Variants in DMD observed in about 807,000 individuals in gnomAD.
DMD encodes dystrophin.
A neutral mutation model predicts 330.1 loss-of-function variants in DMD; 63 were observed. The observed-to-expected ratio is 0.19, with a 90% CI of 0.16 to 0.24. The LOEUF (loss-of-function observed/expected upper bound fraction) is 0.24, where lower values mean the gene tolerates loss of function less well. DMD is among the 10% of genes least tolerant of loss of function. DMD has a pLI of 1.00. For synonymous variants in DMD, 1,223 were observed against 959.8 expected (o/e 1.27, Z -5.07); for missense variants, 3,344 against 2,684.1 (o/e 1.25, Z -5.43).
At chrX:32,178,859 G>GTGTA (rs2096915903) in intron 44 of DMD, among the ~76,000 whole-genome samples, 1 of 107,946 alleles carries the variant, frequency 9.3e-6, no homozygotes, top group Non-Finnish European at 1.9e-5. Context: ...GTGTGTGTGT[G>GTGTA]TGTGTACACA....
chrX:32,477,282 A>G, intron 21 of DMD, among the ~76,000 whole-genome samples: 2 of 108,440 alleles, frequency 1.8e-5, no homozygotes, highest in Middle Eastern at 9.3e-3. Flanking sequence ...ATCCTGCACT[A>G]CTGTTTATCT....
At position 31,283,347 on chromosome X, in the gene DMD, A is replaced by T. The variant is rs745577512; in HGVS notation, c.9225-22331T>A. On this transcript the variant is annotated intron_variant, in intron 62 of 78. Transcript: ENST00000357033. ...CTAGCAAATTTAAATCTAGGATACA[A>T]ATGTAGTCATTATCGTGTCTGAATT... Among the ~76,000 whole-genome samples, 3 of 111,774 alleles carry T rather than the reference A, an allele frequency of 2.7e-5. No individual in the cohort carries two copies. The South Asian group carries it at 1.1e-3, about 42-fold the overall frequency.
intron 54 of DMD, among the ~76,000 whole-genome samples, chrX:31,646,489 T>C (rs1290659586): frequency 3.6e-5 from 4 of 111,444 alleles, no homozygotes; most frequent in Non-Finnish European, 7.5e-5. Context: ...GACCTACAAA[T>C]TTAAATTTCT....
At chrX:32,622,920 T>G (rs1424610896) in intron 11 of DMD, among the ~76,000 whole-genome samples, 1 of 111,761 alleles carries the variant, frequency 8.9e-6, no homozygotes, top group Non-Finnish European at 1.9e-5. Flanking sequence ...ACACTTTGAA[T>G]GACAACATTC....
At chrX:33,160,074 C>T (rs2048698679) in intron 1 of DMD, among the ~76,000 whole-genome samples, 1 of 111,338 alleles carries the variant, frequency 9.0e-6, no homozygotes, top group Non-Finnish European at 1.9e-5. Context: ...AAGTACAGTA[C>T]TGAATAAAAG....
At chrX:31,576,215 T>G (rs899956899) in intron 55 of DMD, among the ~76,000 whole-genome samples, 1 of 111,654 alleles carries the variant, frequency 9.0e-6, no homozygotes, top group African/African-American at 3.3e-5. Flanking sequence ...ATTTCACCAG[T>G]TCTTACATAC....
intron 59 of DMD, among the ~76,000 whole-genome samples, chrX:31,453,790 A>AC (rs2065953964): frequency 2.0e-5 from 2 of 100,145 alleles, no homozygotes; most frequent in Non-Finnish European, 4.0e-5. Context: ...AAAAAAAAAA[A>AC]CCACAAAATA....
intron 17 of DMD, among the ~76,000 whole-genome samples, chrX:32,529,684 T>G (rs1701769171): frequency 9.0e-6 from 1 of 111,142 alleles, no homozygotes; most frequent in South Asian, 3.8e-4. Flanking sequence ...GAGATCAGCT[T>G]TGCTTATATT....
At chrX:31,900,667 C>G (rs1031887774) in intron 47 of DMD, among the ~76,000 whole-genome samples, 1 of 111,422 alleles carries the variant, frequency 9.0e-6, no homozygotes, top group Non-Finnish European at 1.9e-5. Flanking sequence ...TTTGGAAGTG[C>G]GTAACATGCA....
intron 44 of DMD, among the ~76,000 whole-genome samples, chrX:32,149,711 T>C (rs2096795397): frequency 8.9e-6 from 1 of 111,841 alleles, no homozygotes; most frequent in Non-Finnish European, 1.9e-5. Context: ...TAAGACAGTT[T>C]GGAAACTTTA....
At chrX:33,078,608 T>C (rs1394429793) in intron 1 of DMD, among the ~76,000 whole-genome samples, 1 of 111,864 alleles carries the variant, frequency 8.9e-6, no homozygotes, top group African/African-American at 3.2e-5. Context: ...AGATGTTTTT[T>C]CCCTCTATTC....
At chrX:32,857,764 C>T (rs1484432588) in intron 2 of DMD, among the ~76,000 whole-genome samples, 1 of 111,281 alleles carries the variant, frequency 9.0e-6, no homozygotes, top group African/African-American at 3.3e-5. Context: ...ATCCCAAAGC[C>T]ATCAGGATCA....
intron 7 of DMD, among the ~76,000 whole-genome samples, chrX:32,716,454 C>CT (rs1015679285): frequency 8.1e-5 from 9 of 111,643 alleles, no homozygotes; most frequent in Non-Finnish European, 1.3e-4. Context: ...CCCAGCCATA[C>CT]TTCCTGTACA....
chrX:31,522,351 C>CTATATATATATATATA, intron 55 of DMD, among the ~76,000 whole-genome samples: 1 of 64,911 alleles, frequency 1.5e-5, no homozygotes, highest in East Asian at 5.1e-4. Context: ...CTCTCTCTCT[C>CTATATATATATATATA]TCTCTCTCTC....
chrX:32,197,000 A>AAAAAAAAC (rs1557206020), intron 44 of DMD, among the ~76,000 whole-genome samples: 6 of 93,898 alleles, frequency 6.4e-5, no homozygotes, highest in Admixed American at 2.7e-4. Flanking sequence ...AAAAAAAAAA[A>AAAAAAAAC]AAAAACAAAA....
chrX:31,773,465 T>C (rs750518954), intron 51 of DMD, among the ~76,000 whole-genome samples: 150 of 111,902 alleles, frequency 1.3e-3, no homozygotes, highest in African/African-American at 4.8e-3. Flanking sequence ...TACTTTTCTC[T>C]TTTTAAGTTA....
In DMD at chrX:32,595,182, G is replaced by A. The variant is rs140676171; in HGVS notation, c.1602+575C>T. On this transcript the variant is annotated intron_variant, in intron 13 of 78. Coordinates refer to ENST00000357033, the MANE Select transcript of DMD (RefSeq NM_004006.3). ...ATTAGGGATAATCAGTACATTTACC[G>A]ATATTTAGTAGATGTCTTTGGGCCA... Among the ~76,000 whole-genome samples, 757 of 111,530 alleles carry A rather than the reference G, an allele frequency of 6.8e-3. 8 individuals carry two copies. The highest frequency in any genetic ancestry group is 0.01 in the Non-Finnish European group (551 of 53,109).
At chrX:32,937,239 C>G (rs752743734) in intron 2 of DMD, among the ~76,000 whole-genome samples, 1 of 110,523 alleles carries the variant, frequency 9.0e-6, no homozygotes, top group East Asian at 2.8e-4. Context: ...AGCAGAAGCT[C>G]TGGTCTAATG....
At chrX:32,763,417 T>C (rs1247160110) in intron 7 of DMD, among the ~76,000 whole-genome samples, 1 of 111,953 alleles carries the variant, frequency 8.9e-6, no homozygotes, top group African/African-American at 3.2e-5. Context: ...CAAAATAATG[T>C]ATCACGATAA....
Sources: allele counts gnomAD v4.1 joint callset (sites outside exome capture counted in the v4.1 genomes callset), GRCh38; gene constraint gnomAD v4.1.1; transcripts MANE v1.5; gene names NCBI Gene and HGNC (gene_info 2026-07-23, HGNC 2026-07-21).